WWP1: variants seen among roughly 807,000 people sequenced by gnomAD.
WWP1 encodes the protein NEDD4-like E3 ubiquitin-protein ligase WWP1.
In WWP1, 49 loss-of-function variants were observed where a neutral mutation model predicts 130.6. The observed-to-expected ratio is 0.38, with a 90% confidence interval of 0.30 to 0.48. WWP1 has a LOEUF of 0.48. Among genes scored for constraint, WWP1 ranks in the 20% least tolerant of loss-of-function variants. WWP1 has a pLI of 0.99. For missense variants in WWP1, 809 were observed against 1,100.6 expected, an observed-to-expected ratio of 0.74 and a Z score of 3.75; for synonymous variants, 332 against 367.8, an observed-to-expected ratio of 0.90 and a Z score of 1.11.
intron 17 of WWP1, chr8:86,440,868 G>A (rs758264838): frequency 7.9e-5 from 20 of 251,860 alleles, no homozygotes; most frequent in Non-Finnish European, 1.2e-4. Flanking sequence ...ACTGCCCTAC[G>A]TTTTGCTGCT....
intron 1 of WWP1, among the ~76,000 whole-genome samples, chr8:86,352,018 A>T (rs1317569140): frequency 1.4e-5 from 2 of 146,162 alleles, no homozygotes; most frequent in African/African-American, 2.5e-5. Flanking sequence ...TCATTTTTCT[A>T]GCTAGCTAGC....
chr8:86,422,273 A>G (rs965587253), intron 9 of WWP1, among the ~76,000 whole-genome samples: 7 of 151,866 alleles, frequency 4.6e-5, no homozygotes, highest in African/African-American at 1.5e-4. Flanking sequence ...TGGTTATTGT[A>G]TTTTAAAATT....
At chr8:86,388,157 GC>G in intron 5 of WWP1, among the ~76,000 whole-genome samples, 1 of 145,782 alleles carries the variant, frequency 6.9e-6, no homozygotes, top group South Asian at 2.2e-4. Context: ...ATTTATCTCT[GC>G]CTTTTTTTTT....
In WWP1 at chr8:86,430,817, A is replaced by C. The variant is rs376310736; in HGVS notation, c.1387+66A>C. ...TCTCTCCATATATATATATATATAT[A>C]TATATATATATATATGTTCCTTATT... On this transcript the variant is annotated intron_variant, in intron 12 of 24. Coordinates refer to ENST00000517970, the MANE Select transcript of WWP1 (RefSeq NM_007013.4). 3.3e-3 allele frequency: 1,610 copies of C among 488,816 alleles called. 119 individuals carry two copies. The highest frequency in any genetic ancestry group is 4.9e-3 in the Middle Eastern group (6 of 1,226). The allele number at this position is 488,816 out of a possible 1,614,324, so 30.3% of individuals were successfully genotyped here.
intron 9 of WWP1, among the ~76,000 whole-genome samples, chr8:86,424,415 G>C (rs1414358687): frequency 6.6e-6 from 1 of 152,090 alleles, no homozygotes; most frequent in Non-Finnish European, 1.5e-5. Context: ...CGGCCGGGCA[G>C]AGGCTGCAAT....
intron 1 of WWP1, among the ~76,000 whole-genome samples, chr8:86,360,253 G>C (rs1166414444): frequency 6.6e-6 from 1 of 150,722 alleles, no homozygotes; most frequent in Non-Finnish European, 1.5e-5. Context: ...GGTTTTTTTT[G>C]CTTGGTAAGC....
chr8:86,411,757 C>A lies in WWP1; in HGVS notation c.944C>A (p.Thr315Asn). ...SEARSILEPD[T>N]SNSRSSSAFE... ...GCTAGAAGTATATTAGAGCCTGACA[C>A]CTCTAATTCTAGAAGTAGTTCTGCT... The change falls in exon 9 of 25, where the codon ACC becomes AAC. Residue 315 changes from threonine (T) to asparagine (N), a missense_variant. Thr to Asn is a moderately conservative substitution (Grantham distance 65). Coordinates refer to ENST00000517970, the MANE Select transcript of WWP1 (RefSeq NM_007013.4). 1 of 1,614,094 alleles carries A rather than the reference C, an allele frequency of 6.2e-7. No homozygotes were observed. Among genetic ancestry groups the A allele is most frequent in the Non-Finnish European group, 8.5e-7 (1 of 1,179,950 alleles).
intron 2 of WWP1, among the ~76,000 whole-genome samples, chr8:86,372,365 G>A (rs1824366893): frequency 6.6e-6 from 1 of 152,072 alleles, no homozygotes. Flanking sequence ...TCGCCGTGTT[G>A]GCCAGGCGGG....
intron 18 of WWP1, among the ~76,000 whole-genome samples, chr8:86,445,976 C>CTTTTCTTTTCTT (rs1216312552): frequency 2.8e-4 from 24 of 84,962 alleles, no homozygotes; most frequent in African/African-American, 8.6e-4. Flanking sequence ...CTTTTCTTTT[C>CTTTTCTTTTCTT]TTTTTTTTTT....
chr8:86,355,024 A>T (rs1823174600), intron 1 of WWP1, among the ~76,000 whole-genome samples: 1 of 152,190 alleles, frequency 6.6e-6, no homozygotes, highest in African/African-American at 2.4e-5. Context: ...GACTCAGGTT[A>T]AATATGCACA....
intron 10 of WWP1, among the ~76,000 whole-genome samples, chr8:86,425,609 TTA>T (rs1809577750): frequency 1.3e-5 from 2 of 152,118 alleles, no homozygotes; most frequent in Non-Finnish European, 2.9e-5. Context: ...TTAGGACAGT[TTA>T]TATGTATGGT....
intron 4 of WWP1, 44 bp downstream of exon 4, chr8:86,380,908 G>A: frequency 1.3e-6 from 2 of 1,525,186 alleles, no homozygotes; most frequent in Non-Finnish European, 1.8e-6. Flanking sequence ...ACAAGAAAGT[G>A]TATTTTTTGG....
Position 86,452,605 on chromosome 8 carries a change from A to G in WWP1, c.2320A>G (p.Lys774Glu). 6.2e-7 allele frequency: 1 copy of G among 1,613,190 alleles called. No homozygotes were observed. ...RFSRGVQEQT[K>E]AFLDGFNEVV... ...TTCTCGAGGAGTACAAGAACAGACC[A>G]AAGCTTTCCTTGATGGTTTTAATGA... The change falls in exon 21 of 25, where the codon AAA (lysine) becomes GAA (glutamate). Residue 774 changes from lysine (K) to glutamate (E), a missense_variant. Physicochemically the swap from Lys to Glu is moderately conservative, Grantham distance 56 (BLOSUM62 1). Transcript: ENST00000517970.
rs1220169601 is a variant in WWP1, at chr8:86,442,898, A to G, written c.1998+120A>G. 6.5e-6 allele frequency: 7 copies of G among 1,074,896 alleles called. No homozygotes were observed. The South Asian group carries it at 1.2e-4, about 19-fold the overall frequency. The allele number at this position is 1,074,896 out of a possible 1,614,324, so 66.6% of individuals were successfully genotyped here. On this transcript the variant is annotated intron_variant, in intron 18 of 24. Coordinates refer to ENST00000517970, the MANE Select transcript of WWP1 (RefSeq NM_007013.4). Reference sequence around the variant, plus strand: ...GCTATTCACAAGTTTTGTTACCAAGAAAGTTTCCCTGGAGAGTGTAAAAAT... The same window carrying G: ...GCTATTCACAAGTTTTGTTACCAAGGAAGTTTCCCTGGAGAGTGTAAAAAT...
chr8:86,403,810 C>T (rs978460000), intron 8 of WWP1, among the ~76,000 whole-genome samples: 2 of 150,090 alleles, frequency 1.3e-5, no homozygotes, highest in Non-Finnish European at 3.0e-5. Flanking sequence ...ATTTTTTAGT[C>T]TTAATTTAAG....
At chr8:86,370,042 C>T (rs1479639320) in intron 2 of WWP1, among the ~76,000 whole-genome samples, 1 of 152,108 alleles carries the variant, frequency 6.6e-6, no homozygotes, top group Non-Finnish European at 1.5e-5. Context: ...GCTGTGAAAA[C>T]CTCTCTGATT....
intron 5 of WWP1, among the ~76,000 whole-genome samples, chr8:86,395,690 A>G (rs1807624315): frequency 6.6e-6 from 1 of 152,224 alleles, no homozygotes; most frequent in African/African-American, 2.4e-5. Flanking sequence ...AAAGACAAAT[A>G]AATTTAAAAA....
chr8:86,346,526 G>A (rs2130067300), intron 1 of WWP1, among the ~76,000 whole-genome samples: 1 of 152,298 alleles, frequency 6.6e-6, no homozygotes, highest in South Asian at 2.1e-4. Flanking sequence ...CAATGTAAAT[G>A]AAGATTCCTA....
At chr8:86,420,607 G>T (rs752078878) in intron 9 of WWP1, among the ~76,000 whole-genome samples, 43 of 152,094 alleles carry the variant, frequency 2.8e-4, no homozygotes, top group Non-Finnish European at 5.3e-4. Flanking sequence ...ATCACAATAA[G>T]TCAAGGAAGT....
Sources: gnomAD v4.1 joint callset for allele counts (sites outside exome capture counted in the v4.1 genomes callset) on GRCh38, gnomAD v4.1.1 for gene constraint, MANE v1.5 for transcripts, NCBI Gene and HGNC (gene_info 2026-07-23, HGNC 2026-07-21) for gene names.